DYSF: variants seen among roughly 807,000 people sequenced by gnomAD.
The protein encoded by DYSF is dystrophy-associated fer-1-like 1.
In DYSF, 212 loss-of-function variants were observed where a neutral mutation model predicts 274.9. The ratio of observed to expected loss-of-function variants is 0.77; its 90% CI spans 0.69 to 0.86. DYSF has a LOEUF of 0.86. DYSF is among the 40% of genes least tolerant of loss of function. The pLI is 0.00. For missense variants in DYSF, 2,666 were observed against 2,783.2 expected (o/e 0.96, Z 0.95); for synonymous variants, 1,091 against 1,078.7 (o/e 1.01, Z -0.22).
intron 41 of DYSF, among the ~76,000 whole-genome samples, chr2:71,642,913 G>C (rs955853409): frequency 2.0e-5 from 3 of 152,200 alleles, no homozygotes; most frequent in African/African-American, 4.8e-5. Context: ...ATTAGAGCAG[G>C]CTCCTGGGAG....
At chr2:71,682,056 T>A (rs1184419741) in intron 54 of DYSF, among the ~76,000 whole-genome samples, 1 of 152,118 alleles carries the variant, frequency 6.6e-6, no homozygotes, top group Non-Finnish European at 1.5e-5. Flanking sequence ...TTCTTGGTTG[T>A]GAGAGAACCA....
intron 10 of DYSF, among the ~76,000 whole-genome samples, chr2:71,519,838 T>C (rs909948719): frequency 5.4e-5 from 8 of 147,994 alleles, no homozygotes; most frequent in Non-Finnish European, 1.2e-4. Flanking sequence ...TTTTTTTGTA[T>C]TTTTAATAGA....
At chr2:71,579,306 T>G (rs1445273445) in intron 30 of DYSF, among the ~76,000 whole-genome samples, 1 of 152,178 alleles carries the variant, frequency 6.6e-6, no homozygotes, top group African/African-American at 2.4e-5. Flanking sequence ...GGAAAGGTTC[T>G]CTGAGATGCC....
chr2:71,537,233 T>TTTTTTG (rs2089459994), intron 16 of DYSF, among the ~76,000 whole-genome samples: 2 of 142,926 alleles, frequency 1.4e-5, no homozygotes, highest in African/African-American at 5.3e-5. Flanking sequence ...GTTTTTTTTT[T>TTTTTTG]TTTTTTTTTT....
rs2095180246 is a variant in DYSF, at chr2:71,674,213, T to C, written c.5801T>C (p.Leu1934Pro). The C allele has an allele frequency of 6.2e-7, 1 of 1,614,218 alleles. No individual in the cohort carries two copies. Among genetic ancestry groups the C allele is most frequent in the Non-Finnish European group, 8.5e-7 (1 of 1,180,034 alleles). The change falls in exon 52 of 56, where the codon CTG (leucine) becomes CCG (proline). Residue 1934 changes from leucine (L) to proline (P), a missense_variant. By Grantham distance (98) the Leu-to-Pro change is moderately conservative. Around this residue, in one of 3 missense-constraint regions of DYSF, gnomAD observed 1,460 missense variants for 1,502.1 expected, o/e 0.97. Coordinates refer to ENST00000410020, the MANE Select transcript of DYSF (RefSeq NM_001130987.2). ...TIAKKDAFWR[L>P]DKTESKIPAR... ...CCGGGTCAGGATGCCTTCTGGAGGC[T>C]GGACAAGACTGAGAGCAAAATCCCA...
intron 14 of DYSF, among the ~76,000 whole-genome samples, chr2:71,530,707 G>A (rs1395650992): frequency 6.6e-6 from 1 of 152,168 alleles, no homozygotes. Flanking sequence ...GTGGACCCCA[G>A]GCCTTTGCGT....
intron 3 of DYSF, among the ~76,000 whole-genome samples, chr2:71,502,510 T>C (rs976314922): frequency 6.6e-6 from 1 of 152,100 alleles, no homozygotes; most frequent in African/African-American, 2.4e-5. Flanking sequence ...GCAGACTATA[T>C]GGTGAGCCCA....
intron 3 of DYSF, among the ~76,000 whole-genome samples, chr2:71,502,366 G>A (rs1208937347): frequency 6.6e-6 from 1 of 152,016 alleles, no homozygotes; most frequent in Non-Finnish European, 1.5e-5. Flanking sequence ...ATGGCCTTGT[G>A]CCCTGACAGT....
At chr2:71,550,978 C>A in intron 17 of DYSF, 63 bp from the exon 18 acceptor site, 1 of 1,464,276 alleles carries the variant, frequency 6.8e-7, no homozygotes, top group Non-Finnish European at 9.6e-7. Flanking sequence ...TGGAAGGTGG[C>A]TGGGTGGAGC....
intron 41 of DYSF, among the ~76,000 whole-genome samples, chr2:71,634,378 A>T (rs1328940699): frequency 6.6e-6 from 1 of 152,222 alleles, no homozygotes; most frequent in Non-Finnish European, 1.5e-5. Context: ...TTCCATTAAC[A>T]TCAGAGGGTT....
At chr2:71,540,301 G>A (rs900863165) in intron 17 of DYSF, among the ~76,000 whole-genome samples, 23 of 151,982 alleles carry the variant, frequency 1.5e-4, no homozygotes, top group Admixed American at 6.6e-4. Flanking sequence ...AGTAGAGACA[G>A]GGTTTTACCA....
chr2:71,653,083 T>A (rs941200363), intron 42 of DYSF, among the ~76,000 whole-genome samples: 2 of 152,146 alleles, frequency 1.3e-5, no homozygotes, highest in African/African-American at 4.8e-5. Context: ...CTGGTATGGC[T>A]AAAATGCAAA....
chr2:71,547,907 C>A (rs1236363957), intron 17 of DYSF, among the ~76,000 whole-genome samples: 1 of 152,092 alleles, frequency 6.6e-6, no homozygotes, highest in Non-Finnish European at 1.5e-5. Context: ...GCCTCATTAG[C>A]CCGAGATAAC....
intron 33 of DYSF, among the ~76,000 whole-genome samples, chr2:71,599,699 C>T (rs994416738): frequency 4.6e-5 from 7 of 152,238 alleles, no homozygotes; most frequent in East Asian, 1.9e-4. Flanking sequence ...GCCCGGCCTG[C>T]GCTGGAGGTG....
At position 71,515,712 on chromosome 2, in the gene DYSF, G is replaced by C. The variant is rs2086581716; in HGVS notation, c.849G>C (p.Arg283=). The C allele has an allele frequency of 6.2e-7, 1 of 1,614,034 alleles. No homozygotes were observed. Among genetic ancestry groups the C allele is most frequent in the Admixed American group, 1.7e-5 (1 of 60,008 alleles). Residue 283 remains arginine, a synonymous_variant, in exon 8 of 56, where the codon CGG becomes CGC. Coordinates refer to ENST00000410020, the MANE Select transcript of DYSF (RefSeq NM_001130987.2). ...TTACCGCTGCAGGGCAGACCAAGCG[G>C]ACGCGGATCCACAAGGGAAACAGCC... The part of the protein sequence containing the change: ...VKVTAAGQTK[R]TRIHKGNSPL...
intron 1 of DYSF, among the ~76,000 whole-genome samples, chr2:71,479,843 C>T (rs76207564): frequency 0.024 from 3,732 of 152,340 alleles, 85 homozygotes; most frequent in African/African-American, 0.06. Flanking sequence ...TTCCTTGGGA[C>T]AGCTTGCCTC....
At position 71,515,847 on chromosome 2, in the gene DYSF, G is replaced by C. The variant is rs905943095; in HGVS notation, c.888+96G>C. ...TGGCAATTCATTCAAGAGTGTTTACGTATGGCGCTGACCTTGGGTGGTGAG... is the reference window on the plus strand; with the variant it reads ...TGGCAATTCATTCAAGAGTGTTTACCTATGGCGCTGACCTTGGGTGGTGAG... On this transcript the variant is annotated intron_variant, in intron 8 of 55. Coordinates refer to ENST00000410020, the MANE Select transcript of DYSF (RefSeq NM_001130987.2). 3.9e-6 allele frequency: 6 copies of C among 1,552,618 alleles called. No individual in the cohort carries two copies. In the East Asian group the frequency reaches 1.4e-4, roughly 36 times the overall value.
At chr2:71,623,520 T>C (rs1484364359) in intron 41 of DYSF, among the ~76,000 whole-genome samples, 1 of 152,192 alleles carries the variant, frequency 6.6e-6, no homozygotes, top group Non-Finnish European at 1.5e-5. Context: ...TAACTTTATT[T>C]GCCAATCATT....
At chr2:71,453,918 C>T in exon 1 of DYSF, 1 of 1,402,404 alleles carries the variant, frequency 7.1e-7, no homozygotes, top group South Asian at 1.2e-5. Flanking sequence ...GCGAGGGGAC[C>T]CACAAGCGGC....
Sources: gnomAD v4.1 joint callset for allele counts (sites outside exome capture counted in the v4.1 genomes callset) on GRCh38, gnomAD v4.1.1 for gene constraint, gnomAD v4.1.1 regional missense constraint, MANE v1.5 for transcripts, NCBI Gene and HGNC (gene_info 2026-07-23, HGNC 2026-07-21) for gene names.